Variants in MLLT3 observed in about 807,000 individuals in gnomAD.
MLLT3 encodes the protein MLLT3 super elongation complex subunit.
In MLLT3, 4 loss-of-function variants were observed where a neutral mutation model predicts 53.2. The observed-to-expected ratio is 0.08, with a 90% CI of 0.04 to 0.17. MLLT3 has a LOEUF of 0.17. Ranked by LOEUF, MLLT3 falls within the 10% of genes least tolerant of loss-of-function variation. The pLI is 1.00. For missense variants in MLLT3, 569 were observed against 684.0 expected, an observed-to-expected ratio of 0.83 and a Z score of 1.87; for synonymous variants, 283 against 230.6, an observed-to-expected ratio of 1.23 and a Z score of -2.06.
At chr9:20,522,073 A>G (rs1818076578) in intron 2 of MLLT3, among the ~76,000 whole-genome samples, 1 of 151,816 alleles carries the variant, frequency 6.6e-6, no homozygotes, top group East Asian at 1.9e-4. Context: ...GAATGTAAAA[A>G]TGTAGAAACA....
At chr9:20,543,398 A>C (rs921345569) in intron 2 of MLLT3, among the ~76,000 whole-genome samples, 4 of 152,224 alleles carry the variant, frequency 2.6e-5, no homozygotes, top group Non-Finnish European at 5.9e-5. Flanking sequence ...CAAGTCTTAC[A>C]TGGGTATGGC....
At chr9:20,517,557 C>T (rs1817946908) in intron 2 of MLLT3, among the ~76,000 whole-genome samples, 1 of 152,008 alleles carries the variant, frequency 6.6e-6, no homozygotes, top group African/African-American at 2.4e-5. Flanking sequence ...AGAAGCAGGG[C>T]CAGGCGCAGT....
chr9:20,411,210 T>C (rs943363472), intron 5 of MLLT3: 3 of 152,648 alleles, frequency 2.0e-5, no homozygotes, highest in Non-Finnish European at 4.4e-5. Flanking sequence ...TAGCTTAGTG[T>C]TCTCCATTAC....
intron 2 of MLLT3, among the ~76,000 whole-genome samples, chr9:20,560,195 C>G (rs1277469837): frequency 6.6e-6 from 1 of 151,978 alleles, no homozygotes; most frequent in Non-Finnish European, 1.5e-5. Flanking sequence ...ATAATAGCTG[C>G]CATGCATAAG....
intron 10 of MLLT3, among the ~76,000 whole-genome samples, chr9:20,350,986 C>A (rs1821013046): frequency 1.3e-5 from 2 of 152,142 alleles, no homozygotes; most frequent in South Asian, 4.1e-4. Flanking sequence ...TCTGGGATAA[C>A]ATAGGTCTTC....
intron 2 of MLLT3, among the ~76,000 whole-genome samples, chr9:20,473,007 A>G (rs910514045): frequency 5.7e-4 from 87 of 152,184 alleles, no homozygotes; most frequent in African/African-American, 2.0e-3. Context: ...GCATCACCTG[A>G]AAGACTTTTT....
At chr9:20,398,891 T>A (rs1002323843) in intron 5 of MLLT3, among the ~76,000 whole-genome samples, 6 of 151,988 alleles carry the variant, frequency 3.9e-5, no homozygotes, top group South Asian at 2.1e-4. Context: ...CACGGTGAAA[T>A]CAGCTAAAAA....
At chr9:20,527,136 T>A (rs781016209) in intron 2 of MLLT3, among the ~76,000 whole-genome samples, 2 of 152,156 alleles carry the variant, frequency 1.3e-5, no homozygotes, top group Non-Finnish European at 2.9e-5. Context: ...GTAACCAGCC[T>A]ATGAGTGTTC....
intron 2 of MLLT3, among the ~76,000 whole-genome samples, chr9:20,538,045 C>G (rs577899499): frequency 6.6e-6 from 1 of 152,196 alleles, no homozygotes; most frequent in Non-Finnish European, 1.5e-5. Flanking sequence ...GATAAAGTCT[C>G]CCATTATACC....
At chr9:20,493,468 A>T (rs548505215) in intron 2 of MLLT3, among the ~76,000 whole-genome samples, 1 of 152,156 alleles carries the variant, frequency 6.6e-6, no homozygotes, top group Non-Finnish European at 1.5e-5. Flanking sequence ...TTCACAGACA[A>T]GTCTTTAAGG....
At chr9:20,348,122 AT>A (rs1282866262) in intron 10 of MLLT3, among the ~76,000 whole-genome samples, 1 of 152,294 alleles carries the variant, frequency 6.6e-6, no homozygotes. Flanking sequence ...CTCTGGAACT[AT>A]TTTTTAGGGA....
chr9:20,562,115 T>C (rs963412503), intron 2 of MLLT3, among the ~76,000 whole-genome samples: 1 of 152,140 alleles, frequency 6.6e-6, no homozygotes, highest in African/African-American at 2.4e-5. Context: ...AGGAGATATA[T>C]AAAGCCATGC....
At chr9:20,404,033 CTGG>C (rs1822521143) in intron 5 of MLLT3, among the ~76,000 whole-genome samples, 1 of 152,130 alleles carries the variant, frequency 6.6e-6, no homozygotes, top group Non-Finnish European at 1.5e-5. Context: ...GTTGCCCAGA[CTGG>C]TCTTGAACTC....
intron 2 of MLLT3, among the ~76,000 whole-genome samples, chr9:20,590,193 C>T (rs1820093154): frequency 6.6e-6 from 1 of 152,100 alleles, no homozygotes; most frequent in Non-Finnish European, 1.5e-5. Flanking sequence ...TTTCAATGGG[C>T]GTCAACTCTC....
At chr9:20,488,208 G>C (rs1824860569) in intron 2 of MLLT3, among the ~76,000 whole-genome samples, 1 of 152,002 alleles carries the variant, frequency 6.6e-6, no homozygotes, top group Non-Finnish European at 1.5e-5. Context: ...CAGAAGGAGG[G>C]GGGAATAGGG....
chr9:20,447,867 T>G (rs150294534), intron 4 of MLLT3, among the ~76,000 whole-genome samples: 1 of 152,174 alleles, frequency 6.6e-6, no homozygotes, highest in Non-Finnish European at 1.5e-5. Flanking sequence ...TTTGTCATAA[T>G]TAAATTTGAG....
At chr9:20,394,669 T>C (rs948131995) in intron 5 of MLLT3, among the ~76,000 whole-genome samples, 3 of 151,904 alleles carry the variant, frequency 2.0e-5, no homozygotes, top group Non-Finnish European at 2.9e-5. Context: ...TTTCTGGGGG[T>C]TACCTTTAGT....
intron 4 of MLLT3, among the ~76,000 whole-genome samples, chr9:20,441,860 GT>G (rs1240550182): frequency 6.6e-6 from 1 of 152,110 alleles, no homozygotes; most frequent in Non-Finnish European, 1.5e-5. Context: ...GTCTAGATGA[GT>G]TTGCCACAAA....
intron 5 of MLLT3, among the ~76,000 whole-genome samples, chr9:20,378,413 C>A (rs934231669): frequency 1.3e-5 from 2 of 151,994 alleles, no homozygotes; most frequent in African/African-American, 4.8e-5. Context: ...AGATTTTTGT[C>A]ATTTTACAGT....
Sources: gnomAD v4.1 joint callset for allele counts (sites outside exome capture counted in the v4.1 genomes callset) on GRCh38, gnomAD v4.1.1 for gene constraint, MANE v1.5 for transcripts, NCBI Gene and HGNC (gene_info 2026-07-23, HGNC 2026-07-21) for gene names.